Variants in KYAT1 observed in about 807,000 individuals in gnomAD.
KYAT1 encodes kynurenine aminotransferase 1.
Under a neutral mutation model 52.4 loss-of-function variants are expected in KYAT1, and 47 were observed. The observed-to-expected ratio is 0.90, with a 90% CI of 0.71 to 1.14. KYAT1 has a LOEUF of 1.14. KYAT1 is among the 50% of genes most tolerant of loss of function. The probability of loss-of-function intolerance (pLI) is 0.00; values close to 1 mark genes in which losing one functional copy is unlikely to be tolerated. For synonymous variants in KYAT1, 212 were observed against 209.6 expected, an observed-to-expected ratio of 1.01 and a Z score of -0.10; for missense variants, 480 against 557.9, an observed-to-expected ratio of 0.86 and a Z score of 1.41.
intron 3 of KYAT1, among the ~76,000 whole-genome samples, chr9:128,841,383 A>G (rs1393781423): frequency 6.6e-6 from 1 of 152,048 alleles, no homozygotes; most frequent in East Asian, 1.9e-4. Context: ...GGCGCCTGTA[A>G]TCCCAACTAC....
intron 1 of KYAT1, among the ~76,000 whole-genome samples, chr9:128,850,510 G>A (rs549961206): frequency 2.1e-4 from 32 of 152,154 alleles, no homozygotes; most frequent in Non-Finnish European, 3.7e-4. Flanking sequence ...CCATTCTCTA[G>A]TCTCAATAAA....
chr9:128,839,044 A>ACC (rs1426576288), intron 3 of KYAT1, among the ~76,000 whole-genome samples: 1 of 151,510 alleles, frequency 6.6e-6, no homozygotes, highest in Non-Finnish European at 1.5e-5. Flanking sequence ...GCTCCCTGCA[A>ACC]CCTCCGCCTC....
In KYAT1 at chr9:128,836,026, C is replaced by T. The variant is rs372483303; in HGVS notation, c.736G>A (p.Gly246Ser). Residue 246 changes from glycine (G) to serine (S), a missense_variant, in exon 8 of 13, where the codon GGC becomes AGC. Gly to Ser is a moderately conservative substitution (Grantham distance 56, BLOSUM62 0). Transcript: ENST00000302586. ...CAGCCAGTGGCGCTGAAGGTCTTGC[C>T]GGCGCTGCCGATGGTCAGGGTCCGT... ...WERTLTIGSA[G>S]KTFSATGWKV... 192 of 1,613,750 alleles carry T rather than the reference C, an allele frequency of 1.2e-4. No individual in the cohort carries two copies. Among genetic ancestry groups the T allele is most frequent in the Non-Finnish European group, 1.6e-4 (185 of 1,179,820 alleles).
intron 1 of KYAT1, among the ~76,000 whole-genome samples, chr9:128,869,307 G>A (rs975466566): frequency 6.6e-5 from 10 of 151,860 alleles, no homozygotes; most frequent in African/African-American, 1.9e-4. Context: ...GACTACAGGC[G>A]CGAGCCACCA....
intron 1 of KYAT1, among the ~76,000 whole-genome samples, chr9:128,876,876 G>A (rs995721645): frequency 3.3e-5 from 5 of 150,556 alleles, no homozygotes; most frequent in Non-Finnish European, 7.4e-5. Context: ...ACAGGTGCAC[G>A]CCACCACGCC....
At chr9:128,863,939 G>T (rs955091937) in intron 1 of KYAT1, among the ~76,000 whole-genome samples, 3 of 152,074 alleles carry the variant, frequency 2.0e-5, no homozygotes, top group African/African-American at 7.2e-5. Flanking sequence ...AATGCCCTGC[G>T]CCTCACCCCT....
rs191093461 is a variant in KYAT1 at position 128,873,980 on chromosome 9, G to T, written c.-7+7917C>A. The stretch of plus-strand genomic sequence containing the variant: ...AAAAAAAAGAATATTCTGAGGCCGG[G>T]CGTGGTGGTTCACACCTGTAACCCC... On this transcript the variant is annotated intron_variant, in intron 1 of 12. Coordinates refer to ENST00000302586, the MANE Select transcript of KYAT1 (RefSeq NM_004059.5). Among the ~76,000 whole-genome samples the T allele has an allele frequency of 6.0e-5, 9 of 150,634 alleles. No individual in the cohort carries two copies. In the East Asian group the frequency reaches 1.8e-3, roughly 30 times the overall value.
chr9:128,836,178 A>T (rs761207977), intron 7 of KYAT1, 105 bp from the exon 8 acceptor site: 10 of 834,126 alleles, frequency 1.2e-5, no homozygotes, highest in Non-Finnish European at 1.9e-5. Flanking sequence ...GACACCCTGG[A>T]TTCCTCTACA....
At chr9:128,877,580 C>G (rs1482142429) in intron 1 of KYAT1, among the ~76,000 whole-genome samples, 1 of 152,198 alleles carries the variant, frequency 6.6e-6, no homozygotes, top group African/African-American at 2.4e-5. Flanking sequence ...CTAGGGCTGA[C>G]AGGAGACCAC....
chr9:128,868,599 C>T (rs1407601057), intron 1 of KYAT1, among the ~76,000 whole-genome samples: 3 of 151,892 alleles, frequency 2.0e-5, no homozygotes, highest in African/African-American at 2.4e-5. Flanking sequence ...TGCAGTGGTG[C>T]GATCACGGCT....
At chr9:128,882,003 A>T (rs922801161), upstream of KYAT1, 1 of 152,218 alleles carries the variant, frequency 6.6e-6, no homozygotes, top group Non-Finnish European at 1.5e-5. Flanking sequence ...TCCGCCCCGA[A>T]GCAGCAGGGC....
chr9:128,844,696 GA>G (rs1430868472), intron 2 of KYAT1, among the ~76,000 whole-genome samples: 3 of 147,810 alleles, frequency 2.0e-5, no homozygotes, highest in African/African-American at 7.5e-5. Flanking sequence ...TCTTGCGGGG[GA>G]AAAGAAAAAG....
At chr9:128,869,027 C>T (rs773591357) in intron 1 of KYAT1, among the ~76,000 whole-genome samples, 4 of 151,804 alleles carry the variant, frequency 2.6e-5, no homozygotes, top group East Asian at 1.9e-4. Flanking sequence ...TTTGTAGAGA[C>T]GGGGGTCTCA....
At chr9:128,840,735 T>C (rs891267546) in intron 3 of KYAT1, 1 of 415,812 alleles carries the variant, frequency 2.4e-6, no homozygotes, top group Admixed American at 3.6e-5. Flanking sequence ...TAGTTGTTTG[T>C]TTATTTTTCA....
chr9:128,878,652 A>G (rs1838360892), intron 1 of KYAT1, among the ~76,000 whole-genome samples: 2 of 152,328 alleles, frequency 1.3e-5, no homozygotes, highest in South Asian at 4.1e-4. Context: ...ACTCAGACAC[A>G]GTCCCCCTGG....
intron 1 of KYAT1, among the ~76,000 whole-genome samples, chr9:128,857,108 G>A (rs797019205): frequency 1.7e-4 from 26 of 152,330 alleles, no homozygotes; most frequent in African/African-American, 5.8e-4. Flanking sequence ...GAGATGTTTG[G>A]GCGGGGAGAA....
At chr9:128,867,515 T>C (rs1836573650) in intron 1 of KYAT1, among the ~76,000 whole-genome samples, 3 of 152,034 alleles carry the variant, frequency 2.0e-5, no homozygotes, top group Admixed American at 2.0e-4. Context: ...CACACGTATA[T>C]ACAAAAATAT....
Position 128,881,950 on chromosome 9 carries a change from C to A in KYAT1, c.-60G>T, listed in dbSNP as rs1186504687. The A allele has an allele frequency of 6.6e-6, 1 of 152,450 alleles. No homozygotes were observed. The highest frequency in any genetic ancestry group is 2.1e-4 in the South Asian group (1 of 4,840). The allele number at this position is 152,450 out of a possible 1,614,324, so 9.4% of individuals were successfully genotyped here. ...CCCAAGTACACCCCGTAGGTTGCAG[C>A]AGTCCCTGTCCCTTTAAGGGGGCCG... On this transcript the variant is annotated 5_prime_UTR_variant, in exon 1 of 13. Transcript: ENST00000302586.
rs1347931022 is a variant in KYAT1, at chr9:128,833,267, G to A, written c.*317C>T. The A allele has an allele frequency of 2.0e-5, 10 of 492,510 alleles. No individual in the cohort carries two copies. Among genetic ancestry groups the A allele is most frequent in the African/African-American group, 5.8e-5 (3 of 51,776 alleles). The allele number at this position is 492,510 out of a possible 1,614,324, so 30.5% of individuals were successfully genotyped here. A position where few individuals can be genotyped will look rare whatever the true frequency, so the allele number is the denominator to read the frequency against. ...GGCCATGCAGAGCTGGGATGTGATC[G>A]GTACATGGTGGAAGTCTACCGTCCG... On this transcript the variant is annotated 3_prime_UTR_variant, in exon 13 of 13. Coordinates refer to ENST00000302586, the MANE Select transcript of KYAT1 (RefSeq NM_004059.5).
Sources: gnomAD v4.1 joint callset for allele counts (sites outside exome capture counted in the v4.1 genomes callset) on GRCh38, gnomAD v4.1.1 for gene constraint, MANE v1.5 for transcripts, NCBI Gene and HGNC (gene_info 2026-07-23, HGNC 2026-07-21) for gene names.